The following RYR2 variants were observed in gnomAD, a reference collection of about 807,000 sequenced individuals.
RYR2 encodes cardiac muscle ryanodine receptor-calcium release channel.
In RYR2, 227 loss-of-function variants were observed where a neutral mutation model predicts 601.1. The observed-to-expected ratio is 0.38, with a 90% CI of 0.34 to 0.42. The LOEUF (loss-of-function observed/expected upper bound fraction) is 0.42, where lower values mean the gene tolerates loss of function less well. RYR2 is among the 10% of genes least tolerant of loss of function. RYR2 has a pLI of 1.00. For missense variants in RYR2, 4,646 were observed against 6,156.5 expected (o/e 0.75, Z 8.21); for synonymous variants, 2,223 against 2,175.1 (o/e 1.02, Z -0.61).
chr1:237,197,704 A>G (rs941976057), intron 1 of RYR2, among the ~76,000 whole-genome samples: 1 of 152,176 alleles, frequency 6.6e-6, no homozygotes, highest in African/African-American at 2.4e-5. Context: ...GAATGTCTGA[A>G]CTGCAGTGGA....
intron 10 of RYR2, among the ~76,000 whole-genome samples, chr1:237,400,083 G>GA (rs1703211178): frequency 6.6e-6 from 1 of 151,614 alleles, no homozygotes; most frequent in Admixed American, 6.6e-5. Context: ...AGTAAAATTG[G>GA]AAAAATCTAG....
At chr1:237,118,933 C>T (rs1473193105) in intron 1 of RYR2, among the ~76,000 whole-genome samples, 1 of 151,564 alleles carries the variant, frequency 6.6e-6, no homozygotes, top group Admixed American at 6.6e-5. Flanking sequence ...AGGAAAAACC[C>T]CTTGTGCAAA....
chr1:237,208,146 T>C (rs1192805601), intron 1 of RYR2, among the ~76,000 whole-genome samples: 2 of 152,268 alleles, frequency 1.3e-5, no homozygotes, highest in African/African-American at 4.8e-5. Flanking sequence ...ATGCATTTTG[T>C]AATTGTTTTC....
intron 1 of RYR2, among the ~76,000 whole-genome samples, chr1:237,074,960 A>G (rs1360339510): frequency 6.6e-6 from 1 of 152,122 alleles, no homozygotes; most frequent in Non-Finnish European, 1.5e-5. Flanking sequence ...CAGGTCTCGG[A>G]GAGGGATCTG....
intron 39 of RYR2, 22 bp downstream of exon 39, chr1:237,623,892 G>T (rs995226856): frequency 1.4e-6 from 2 of 1,467,520 alleles, no homozygotes; most frequent in Admixed American, 3.4e-5. Context: ...TTGATTAAAA[G>T]CTTTTATTAA....
chr1:237,628,556 T>A (rs1461604026), intron 41 of RYR2, among the ~76,000 whole-genome samples: 2 of 152,102 alleles, frequency 1.3e-5, no homozygotes, highest in African/African-American at 4.8e-5. Context: ...GAACTCATCA[T>A]TTTTTATGGC....
chr1:237,804,487 G>A (rs1290906124), intron 98 of RYR2, among the ~76,000 whole-genome samples: 1 of 151,956 alleles, frequency 6.6e-6, no homozygotes, highest in Non-Finnish European at 1.5e-5. Flanking sequence ...CAAATGGGTG[G>A]TTTCTGACTC....
chr1:237,444,528 A>G (rs1708166069), intron 13 of RYR2, among the ~76,000 whole-genome samples: 1 of 152,194 alleles, frequency 6.6e-6, no homozygotes, highest in Admixed American at 6.5e-5. Flanking sequence ...TAAATGTTGA[A>G]TGAAGATAAG....
intron 101 of RYR2, among the ~76,000 whole-genome samples, chr1:237,821,376 A>G (rs879703609): frequency 2.0e-5 from 3 of 152,202 alleles, no homozygotes; most frequent in Non-Finnish European, 4.4e-5. Flanking sequence ...GGTGATACCC[A>G]GGCAAACAGG....
rs138407083 is a variant in RYR2 at position 237,510,255 on chromosome 1, G to A, written c.2719-1433G>A. Among the ~76,000 whole-genome samples the A allele has an allele frequency of 3.9e-5, 6 of 152,230 alleles. No individual in the cohort carries two copies. The East Asian group carries it at 9.7e-4, about 25-fold the overall frequency. On this transcript the variant is annotated intron_variant, in intron 23 of 104. Transcript: ENST00000366574. ...TTACAGGAGATGTTTTGGTGTTCAC[G>A]TATGGGATGTAGCAGGAGAAGGAAG...
At chr1:237,627,181 G>T (rs1257801654) in intron 40 of RYR2, among the ~76,000 whole-genome samples, 1 of 152,088 alleles carries the variant, frequency 6.6e-6, no homozygotes, top group Admixed American at 6.5e-5. Context: ...CTTTTCTATT[G>T]CTTTTACATT....
chr1:237,744,349 TAAAA>T (rs752916603), intron 80 of RYR2, among the ~76,000 whole-genome samples: 1 of 141,064 alleles, frequency 7.1e-6, no homozygotes, highest in African/African-American at 2.6e-5. Flanking sequence ...TTTGTTTGTT[TAAAA>T]AAAAAAAAAG....
In RYR2 at chr1:237,697,386, T is replaced by A. The variant is rs1687563340; in HGVS notation, c.9068-1579T>A. Among the ~76,000 whole-genome samples, 4 of 142,600 alleles carry A rather than the reference T, an allele frequency of 2.8e-5. No homozygotes were observed. In the South Asian group the frequency reaches 8.5e-4, roughly 30 times the overall value. 93.6% of individuals were successfully genotyped at this position (142,600 alleles called of 152,430 possible). ...TATTTATATAATATATAATTGCATA[T>A]TATATATTATGTTATATATTATATA... On this transcript the variant is annotated intron_variant, in intron 63 of 104. Transcript: ENST00000366574.
At chr1:237,706,274 AAGG>A (rs1270591645) in intron 67 of RYR2, among the ~76,000 whole-genome samples, 1 of 152,086 alleles carries the variant, frequency 6.6e-6, no homozygotes, top group African/African-American at 2.4e-5. Context: ...AAAGTTCAGC[AAGG>A]AGAAGAGAGT....
At chr1:237,738,185 G>A (rs1328125823) in intron 79 of RYR2, among the ~76,000 whole-genome samples, 2 of 152,046 alleles carry the variant, frequency 1.3e-5, no homozygotes, top group Non-Finnish European at 1.5e-5. Flanking sequence ...CACCACTGCA[G>A]GTCCCTTGGA....
chr1:237,784,677 C>T lies in RYR2; in HGVS notation c.12965C>T (p.Ala4322Val). 6.2e-7 allele frequency: 1 copy of T among 1,611,750 alleles called. No individual in the cohort carries two copies. The highest frequency in any genetic ancestry group is 8.5e-7 in the Non-Finnish European group (1 of 1,178,706). The change falls in exon 90 of 105, where the codon GCT (alanine) becomes GTT (valine). Residue 4322 changes from alanine (A) to valine (V), a missense_variant. This residue lies in a region of RYR2 where 364 missense variants were observed against 442.9 expected (regional missense o/e 0.82). Transcript: ENST00000366574. The surrounding 1 kb of genome is among the most constrained non-coding windows in gnomAD (Gnocchi z 7.1). ...LLLGGSLVEGAKKIKVAELLA... is the reference protein window; with the variant it reads ...LLLGGSLVEGVKKIKVAELLA... ...CTTGGGGGAAGCCTCGTCGAAGGTG[C>T]TAAAAAGATCAAAGTTGCAGAACTG...
Position 237,260,045 on chromosome 1 carries a change from G to A in RYR2, c.49-10452G>A, listed in dbSNP as rs140173802. Reference sequence around the variant, plus strand: ...AGTTCATGCATACAAGGCAAAGTGTGTAGTGTTGTTACCTTCTTGTTCCCC... The same window carrying A: ...AGTTCATGCATACAAGGCAAAGTGTATAGTGTTGTTACCTTCTTGTTCCCC... On this transcript the variant is annotated intron_variant, in intron 1 of 104. Coordinates refer to ENST00000366574, the MANE Select transcript of RYR2 (RefSeq NM_001035.3). 1.8e-3 allele frequency among the ~76,000 whole-genome samples: 272 copies of A among 152,306 alleles called. 4 individuals are homozygous for A. The highest frequency in any genetic ancestry group is 6.4e-3 in the African/African-American group (264 of 41,560).
intron 2 of RYR2, among the ~76,000 whole-genome samples, chr1:237,279,316 T>C (rs1408147660): frequency 6.6e-6 from 1 of 152,244 alleles, no homozygotes; most frequent in Non-Finnish European, 1.5e-5. Context: ...CAAATCATTT[T>C]ATAAGACTCT....
chr1:237,409,196 C>G (rs12239122), intron 10 of RYR2, among the ~76,000 whole-genome samples: 60,932 of 151,790 alleles, frequency 0.4, 13,337 homozygotes, highest in East Asian at 0.71. Flanking sequence ...ACTTCTGTTA[C>G]AGTCTTGAGT....
Sources: gnomAD v4.1 joint callset for allele counts (sites outside exome capture counted in the v4.1 genomes callset) on GRCh38, gnomAD v4.1.1 for gene constraint, gnomAD v4.1.1 regional missense constraint, Gnocchi (gnomAD v3.1) non-coding constraint, MANE v1.5 for transcripts, NCBI Gene and HGNC (gene_info 2026-07-23, HGNC 2026-07-21) for gene names.